The following EDA variants were observed in gnomAD, a reference collection of about 807,000 sequenced individuals.
EDA encodes ectodysplasin A, also known as ectodysplasin-A.
Under a neutral mutation model 23.6 loss-of-function variants are expected in EDA, and 2 were observed. That is an observed-to-expected ratio of 0.08 (90% CI 0.03 to 0.27). The LOEUF (loss-of-function observed/expected upper bound fraction) is 0.27, where lower values mean the gene tolerates loss of function less well. Among genes scored for constraint, EDA ranks in the 10% least tolerant of loss-of-function variants. The probability of loss-of-function intolerance (pLI) is 1.00; values close to 1 mark genes in which losing one functional copy is unlikely to be tolerated. For synonymous variants in EDA, 131 were observed against 132.0 expected (o/e 0.99, Z 0.05); for missense variants, 229 against 324.2 (o/e 0.71, Z 2.26).
At chrX:69,774,221 T>G (rs776203983) in intron 1 of EDA, among the ~76,000 whole-genome samples, 21 of 112,188 alleles carry the variant, frequency 1.9e-4, no homozygotes, top group Non-Finnish European at 3.2e-4. Flanking sequence ...CCTTGGGTAG[T>G]TCCCTCACAT....
intron 1 of EDA, among the ~76,000 whole-genome samples, chrX:69,674,498 A>G (rs943027441): frequency 3.6e-5 from 4 of 112,355 alleles, no homozygotes; most frequent in Admixed American, 1.9e-4. Context: ...GTATTTTACA[A>G]TCATTTACTA....
intron 1 of EDA, among the ~76,000 whole-genome samples, chrX:69,678,261 C>T (rs1203721590): frequency 9.1e-6 from 1 of 109,459 alleles, no homozygotes; most frequent in South Asian, 4.0e-4. Flanking sequence ...AGTGTGATGC[C>T]TCCAGCTTTG....
At chrX:69,911,933 A>G (rs1377652021) in intron 1 of EDA, among the ~76,000 whole-genome samples, 1 of 112,278 alleles carries the variant, frequency 8.9e-6, no homozygotes, top group African/African-American at 3.2e-5. Context: ...AGTTCGCTGC[A>G]TCAATTGACT....
intron 1 of EDA, among the ~76,000 whole-genome samples, chrX:69,840,712 A>C (rs1156311736): frequency 8.9e-6 from 1 of 112,012 alleles, no homozygotes; most frequent in African/African-American, 3.2e-5. Context: ...ACATAAATTT[A>C]TTTTCTCATA....
chrX:69,897,500 C>G (rs1206620083), intron 1 of EDA, among the ~76,000 whole-genome samples: 3 of 111,864 alleles, frequency 2.7e-5, no homozygotes, highest in African/African-American at 9.7e-5. Flanking sequence ...TCCATTTAAT[C>G]CAGGGTTTTA....
chrX:69,718,879 A>T (rs1013949912), intron 1 of EDA, among the ~76,000 whole-genome samples: 2 of 111,828 alleles, frequency 1.8e-5, no homozygotes, highest in Non-Finnish European at 3.8e-5. Flanking sequence ...AGTTTATGTT[A>T]ATTCCTCTTT....
chrX:69,871,613 C>T (rs988794699), intron 1 of EDA, among the ~76,000 whole-genome samples: 3 of 111,820 alleles, frequency 2.7e-5, no homozygotes, highest in African/African-American at 9.8e-5. Context: ...CTGCCTTCCC[C>T]AGCATACTGA....
At chrX:69,799,814 C>CAAAAA (rs3048913) in intron 1 of EDA, among the ~76,000 whole-genome samples, 1 of 100,012 alleles carries the variant, frequency 1.0e-5, no homozygotes, top group Non-Finnish European at 2.0e-5. Context: ...GCAGATTTCT[C>CAAAAA]AAAAAAAAAA....
chrX:69,996,364 A>T (rs1452033647), intron 2 of EDA, among the ~76,000 whole-genome samples: 1 of 111,801 alleles, frequency 8.9e-6, no homozygotes, highest in East Asian at 2.8e-4. Context: ...GAAGGTGATC[A>T]CTAAACAAGG....
At chrX:69,692,450 C>G (rs1476399487) in intron 1 of EDA, among the ~76,000 whole-genome samples, 1 of 111,342 alleles carries the variant, frequency 9.0e-6, no homozygotes, top group Non-Finnish European at 1.9e-5. Flanking sequence ...CCATGGAATA[C>G]AGAGAGTGAA....
At position 69,894,916 on chromosome X, in the gene EDA, T is replaced by G. The variant is rs192444313; in HGVS notation, c.397-62111T>G. On this transcript the variant is annotated intron_variant, in intron 1 of 7. Transcript: ENST00000374552. ...CTTTTATTTCTTTCTCTTGCCTGAT[T>G]GTTTTGGCCAGGACTTCCAGTGCTA... Among the ~76,000 whole-genome samples, 51 of 111,569 alleles carry G rather than the reference T, an allele frequency of 4.6e-4. No homozygotes were observed. The East Asian group carries it at 7.7e-3, about 17-fold the overall frequency.
chrX:69,903,151 A>C (rs961638085), intron 1 of EDA, among the ~76,000 whole-genome samples: 2 of 111,450 alleles, frequency 1.8e-5, no homozygotes, highest in African/African-American at 6.5e-5. Flanking sequence ...TCATAAGTTT[A>C]TTTCCAAGAC....
chrX:69,710,818 C>T (rs1302630577), intron 1 of EDA, among the ~76,000 whole-genome samples: 15 of 108,474 alleles, frequency 1.4e-4, no homozygotes, highest in Non-Finnish European at 2.6e-4. Context: ...TATAAGAATG[C>T]TTGTGATTTT....
intron 2 of EDA, among the ~76,000 whole-genome samples, chrX:69,988,225 A>G (rs113008692): frequency 0.045 from 5,039 of 111,850 alleles, 278 homozygotes; most frequent in African/African-American, 0.15. Context: ...GGAGATAGAG[A>G]ATAGAAGGAC....
intron 1 of EDA, among the ~76,000 whole-genome samples, chrX:69,874,189 G>A (rs1231246046): frequency 9.0e-6 from 1 of 111,025 alleles, no homozygotes; most frequent in African/African-American, 3.3e-5. Context: ...ACACATGCCT[G>A]TAATCCCAGC....
chrX:69,632,038 T>C (rs1047242834), intron 1 of EDA, among the ~76,000 whole-genome samples: 1 of 112,164 alleles, frequency 8.9e-6, no homozygotes, highest in Non-Finnish European at 1.9e-5. Flanking sequence ...TATGAAATTG[T>C]GGTTTATTTG....
At chrX:69,683,156 C>G (rs1003299325) in intron 1 of EDA, among the ~76,000 whole-genome samples, 3 of 111,058 alleles carry the variant, frequency 2.7e-5, no homozygotes, top group Admixed American at 1.9e-4. Context: ...CAGTGCCTGA[C>G]CAACATGTTA....
intron 1 of EDA, among the ~76,000 whole-genome samples, chrX:69,679,206 C>T (rs1005260380): frequency 1.1e-4 from 12 of 107,841 alleles, no homozygotes; most frequent in African/African-American, 3.7e-4. Flanking sequence ...TTTTGATGTG[C>T]TGCTGGATTC....
chrX:69,751,888 C>T (rs1441756329), intron 1 of EDA, among the ~76,000 whole-genome samples: 4 of 108,167 alleles, frequency 3.7e-5, no homozygotes, highest in African/African-American at 1.4e-4. Flanking sequence ...ACAGGAATTC[C>T]TGTTATAGGA....
Sources: allele counts gnomAD v4.1 joint callset (sites outside exome capture counted in the v4.1 genomes callset), GRCh38; gene constraint gnomAD v4.1.1; transcripts MANE v1.5; gene names NCBI Gene and HGNC (gene_info 2026-07-23, HGNC 2026-07-21).